MCCC2: variants seen among roughly 807,000 people sequenced by gnomAD.
The protein encoded by MCCC2 is methylcrotonoyl-CoA carboxylase beta chain, mitochondrial.
In MCCC2, 52 loss-of-function variants were observed where a neutral mutation model predicts 77.2. That is an observed-to-expected ratio of 0.67 (90% CI 0.54 to 0.85). MCCC2 has a LOEUF of 0.85. Ranked by LOEUF, MCCC2 falls within the 40% of genes least tolerant of loss-of-function variation. The pLI is 0.00. For synonymous variants in MCCC2, 253 were observed against 248.4 expected, an observed-to-expected ratio of 1.02 and a Z score of -0.18; for missense variants, 682 against 703.2, an observed-to-expected ratio of 0.97 and a Z score of 0.34.
At chr5:71,620,139 TG>T (rs1746308218) in intron 6 of MCCC2, among the ~76,000 whole-genome samples, 1 of 152,194 alleles carries the variant, frequency 6.6e-6, no homozygotes, top group Non-Finnish European at 1.5e-5. Flanking sequence ...TTGGATTCTT[TG>T]TGCATTTCAA....
At chr5:71,629,177 C>G (rs987831903) in intron 7 of MCCC2, among the ~76,000 whole-genome samples, 6 of 149,764 alleles carry the variant, frequency 4.0e-5, no homozygotes, top group Admixed American at 4.0e-4. Context: ...GCACTCCAGC[C>G]TGGGCAACAG....
intron 6 of MCCC2, among the ~76,000 whole-genome samples, chr5:71,611,050 CTT>C (rs747080616): frequency 3.3e-5 from 5 of 151,996 alleles, no homozygotes; most frequent in Non-Finnish European, 7.4e-5. Flanking sequence ...CCAGTAATTC[CTT>C]TTTTAGGGCT....
intron 3 of MCCC2, among the ~76,000 whole-genome samples, chr5:71,596,712 T>C (rs1010326327): frequency 6.6e-6 from 1 of 151,994 alleles, no homozygotes; most frequent in Non-Finnish European, 1.5e-5. Context: ...GAGGCCGAGG[T>C]GGGCGGATCA....
chr5:71,623,022 A>G (rs1053800475), intron 6 of MCCC2, among the ~76,000 whole-genome samples: 1 of 152,196 alleles, frequency 6.6e-6, no homozygotes, highest in East Asian at 1.9e-4. Flanking sequence ...TCATGAAAAA[A>G]GAAAAAAAAA....
chr5:71,638,145 A>C (rs549006023), intron 10 of MCCC2, among the ~76,000 whole-genome samples: 1 of 152,204 alleles, frequency 6.6e-6, no homozygotes, highest in African/African-American at 2.4e-5. Flanking sequence ...AGTACATTCT[A>C]TCTCAAGAAA....
At chr5:71,619,320 C>A (rs1746286461) in intron 6 of MCCC2, among the ~76,000 whole-genome samples, 1 of 152,038 alleles carries the variant, frequency 6.6e-6, no homozygotes, top group South Asian at 2.1e-4. Context: ...GTGGCACAAT[C>A]ACAGCTCACT....
chr5:71,604,249 T>G, intron 5 of MCCC2, 107 bp from the exon 6 acceptor site: 1 of 988,456 alleles, frequency 1.0e-6, no homozygotes. Flanking sequence ...CAGGGCAAGT[T>G]TTTTGTGAAT....
chr5:71,624,844 G>C (rs157193), intron 6 of MCCC2, among the ~76,000 whole-genome samples: 53,481 of 151,422 alleles, frequency 0.35, 9,785 homozygotes, highest in East Asian at 0.52. Context: ...CAGGCATGCA[G>C]CACCACACCC....
intron 6 of MCCC2, among the ~76,000 whole-genome samples, chr5:71,622,198 G>A (rs1746372841): frequency 6.6e-6 from 1 of 151,770 alleles, no homozygotes; most frequent in Admixed American, 6.6e-5. Context: ...AGTGAGCTTT[G>A]TCCAGTGTAG....
chr5:71,633,918 A>T (rs1203756334), intron 8 of MCCC2, among the ~76,000 whole-genome samples: 1 of 152,192 alleles, frequency 6.6e-6, no homozygotes, highest in Non-Finnish European at 1.5e-5. Flanking sequence ...ACTGAAAAAG[A>T]TCTACCATTT....
At chr5:71,600,742 G>A (rs1334625181) in intron 4 of MCCC2, among the ~76,000 whole-genome samples, 6 of 152,282 alleles carry the variant, frequency 3.9e-5, no homozygotes, top group African/African-American at 1.4e-4. Flanking sequence ...GTGAGTCTGG[G>A]CATGGCTGTA....
intron 7 of MCCC2, among the ~76,000 whole-genome samples, chr5:71,630,217 AAAGGGCTTTG>A (rs771967557): frequency 6.6e-5 from 10 of 152,174 alleles, no homozygotes; most frequent in Non-Finnish European, 1.5e-4. Flanking sequence ...GAATGTTGAG[AAAGGGCTTTG>A]AAGGGTTTGC....
chr5:71,599,702 T>A lies in MCCC2; in HGVS notation c.325T>A (p.Tyr109Asn), dbSNP rs1006519958. Residue 109 changes from tyrosine to asparagine, a missense_variant, in exon 4 of 17, where the codon TAT becomes AAT. Tyr to Asn is a moderately radical substitution (Grantham distance 143, BLOSUM62 -2). Coordinates refer to ENST00000340941, the MANE Select transcript of MCCC2 (RefSeq NM_022132.5). ...ELSQFAGYQL[Y>N]DNEEVPGGGI... ...ATCCCAGTTTGCAGGTTACCAGTTA[T>A]ATGACAATGAGGAGGTGCCAGGAGG... 6.2e-7 allele frequency: 1 copy of A among 1,614,168 alleles called. No individual in the cohort carries two copies. The highest frequency in any genetic ancestry group is 1.7e-5 in the Admixed American group (1 of 60,014).
chr5:71,644,033 A>ATATG (rs1491311129), intron 12 of MCCC2, 138 bp downstream of exon 12: 1 of 557,148 alleles, frequency 1.8e-6, no homozygotes, highest in Non-Finnish European at 3.1e-6. Flanking sequence ...GTGCGCGGGC[A>ATATG]TGTGTGTGTG....
intron 1 of MCCC2, among the ~76,000 whole-genome samples, chr5:71,590,161 A>G (rs907463494): frequency 1.3e-5 from 2 of 152,172 alleles, no homozygotes; most frequent in Non-Finnish European, 2.9e-5. Context: ...TGAGAGATCA[A>G]GATTTGCCAA....
intron 15 of MCCC2, among the ~76,000 whole-genome samples, chr5:71,650,774 G>A (rs1439763219): frequency 1.3e-5 from 2 of 152,072 alleles, no homozygotes; most frequent in Non-Finnish European, 2.9e-5. Flanking sequence ...TCAGCCTCCC[G>A]AGTAGCTGGG....
intron 1 of MCCC2, among the ~76,000 whole-genome samples, chr5:71,589,791 A>G (rs461942): frequency 0.3 from 45,877 of 152,138 alleles, 8,002 homozygotes; most frequent in East Asian, 0.52. Context: ...AGTAGGTACA[A>G]TTGTTATTTC....
intron 16 of MCCC2, among the ~76,000 whole-genome samples, chr5:71,655,398 A>G (rs944404397): frequency 6.6e-6 from 1 of 152,144 alleles, no homozygotes; most frequent in Non-Finnish European, 1.5e-5. Context: ...TAGCGTGCCA[A>G]TTTGCTTCTG....
At chr5:71,598,505 T>G (rs1745282758) in intron 3 of MCCC2, among the ~76,000 whole-genome samples, 2 of 151,736 alleles carry the variant, frequency 1.3e-5, no homozygotes, top group Non-Finnish European at 2.9e-5. Context: ...AGTGGCATGA[T>G]CTCAGCTCAC....
Sources: allele counts gnomAD v4.1 joint callset (sites outside exome capture counted in the v4.1 genomes callset), GRCh38; gene constraint gnomAD v4.1.1; transcripts MANE v1.5; gene names NCBI Gene and HGNC (gene_info 2026-07-23, HGNC 2026-07-21).